Variants in BICC1 observed in about 807,000 individuals in gnomAD.
BICC1 encodes BicC family RNA binding protein 1, also known as protein bicaudal C homolog 1.
A neutral mutation model predicts 111.0 loss-of-function variants in BICC1; 43 were observed. The ratio of observed to expected loss-of-function variants is 0.39; its 90% CI spans 0.30 to 0.50. The LOEUF (loss-of-function observed/expected upper bound fraction) is 0.50. BICC1 is among the 20% of genes least tolerant of loss of function. BICC1 has a pLI of 0.88. For missense variants in BICC1, 1,091 were observed against 1,203.2 expected, an observed-to-expected ratio of 0.91 and a Z score of 1.38; for synonymous variants, 467 against 434.4, an observed-to-expected ratio of 1.07 and a Z score of -0.93.
At chr10:58,800,852 G>A (rs1009899997) in intron 13 of BICC1, 38 bp from the exon 14 acceptor site, 1 of 1,557,410 alleles carries the variant, frequency 6.4e-7, no homozygotes, top group Non-Finnish European at 8.7e-7. Context: ...AGGTGATGTT[G>A]TTTAGGTGTT....
chr10:58,782,278 T>C (rs904512353), intron 3 of BICC1, among the ~76,000 whole-genome samples: 4 of 152,326 alleles, frequency 2.6e-5, no homozygotes, highest in African/African-American at 9.6e-5. Flanking sequence ...TTATCCAACC[T>C]GTAAAGTCAC....
At chr10:58,823,193 G>A in intron 20 of BICC1, 14 of 982,872 alleles carry the variant, frequency 1.4e-5, no homozygotes, top group Non-Finnish European at 1.7e-5. Context: ...ACGGCCTCAG[G>A]TAGATCTAAC....
At chr10:58,760,089 T>A (rs986070941) in intron 3 of BICC1, among the ~76,000 whole-genome samples, 1 of 152,176 alleles carries the variant, frequency 6.6e-6, no homozygotes, top group Non-Finnish European at 1.5e-5. Context: ...AGCAAATGTG[T>A]TCTTAGCTCT....
intron 2 of BICC1, among the ~76,000 whole-genome samples, chr10:58,671,939 C>T (rs964989423): frequency 1.3e-5 from 2 of 152,098 alleles, no homozygotes; most frequent in African/African-American, 2.4e-5. Context: ...GGAACAGCCT[C>T]GAGTTTTTCA....
intron 15 of BICC1, among the ~76,000 whole-genome samples, chr10:58,806,262 T>C (rs754331096): frequency 5.9e-5 from 9 of 152,192 alleles, no homozygotes; most frequent in Non-Finnish European, 1.3e-4. Flanking sequence ...CTGTTCACTA[T>C]ATTCTAGCAG....
chr10:58,658,293 T>C (rs1319846544), intron 2 of BICC1, among the ~76,000 whole-genome samples: 1 of 152,162 alleles, frequency 6.6e-6, no homozygotes, highest in Non-Finnish European at 1.5e-5. Context: ...GTTTAAGCGA[T>C]TCTCCTGCCT....
rs768084474 is a variant in BICC1 at position 58,813,924 on chromosome 10, C to A, written c.2471C>A (p.Pro824His). Residue 824 changes from proline to histidine, a missense_variant, in exon 18 of 21, where the codon CCT becomes CAT. This residue lies in a region of BICC1 where 231 missense variants were observed against 256.2 expected (regional missense o/e 0.90). Coordinates refer to ENST00000373886, the MANE Select transcript of BICC1 (RefSeq NM_001080512.3). ...TGGAGAGACCGAAATGGAATTGGAC[C>A]TGGAAGTCATAGTGAATTTGCAGCT... ...DNWRDRNGIG[P>H]GSHSEFAASI... 14 of 1,613,922 alleles carry A rather than the reference C, an allele frequency of 8.7e-6. No homozygotes were observed. The highest frequency in any genetic ancestry group is 4.0e-5 in the African/African-American group (3 of 74,926).
intron 2 of BICC1, among the ~76,000 whole-genome samples, chr10:58,629,640 A>G (rs886733591): frequency 1.3e-5 from 2 of 152,154 alleles, no homozygotes; most frequent in Non-Finnish European, 2.9e-5. Context: ...GAATCACACT[A>G]AGGTTTATCA....
chr10:58,664,792 C>T (rs1344758605), intron 2 of BICC1, among the ~76,000 whole-genome samples: 1 of 151,866 alleles, frequency 6.6e-6, no homozygotes, highest in Non-Finnish European at 1.5e-5. Flanking sequence ...AATTAATACC[C>T]ACAATGGTTA....
chr10:58,788,503 T>G, intron 6 of BICC1, 80 bp downstream of exon 6: 1 of 1,020,420 alleles, frequency 9.8e-7, no homozygotes, highest in Non-Finnish European at 1.5e-6. Context: ...TAATAATTTA[T>G]CATTTTATAA....
chr10:58,735,316 C>T (rs1195975496), intron 3 of BICC1, among the ~76,000 whole-genome samples: 5 of 152,130 alleles, frequency 3.3e-5, no homozygotes, highest in African/African-American at 7.2e-5. Context: ...AATATTCCCC[C>T]GTCTCATAGC....
rs113841730 is a variant in BICC1, at chr10:58,537,007, T to C, written c.190+23674T>C. ...CACCCTAGCTTGAGTCAGGAAGAAA[T>C]AGAAATCCTAAACAGACCAATAACA... On this transcript the variant is annotated intron_variant, in intron 1 of 20. Transcript: ENST00000373886. Among the ~76,000 whole-genome samples, 839 of 151,596 alleles carry C rather than the reference T, an allele frequency of 5.5e-3. 4 individuals carry two copies. The highest frequency in any genetic ancestry group is 0.019 in the African/African-American group (798 of 41,400).
intron 2 of BICC1, among the ~76,000 whole-genome samples, chr10:58,688,069 C>G (rs906535298): frequency 6.6e-6 from 1 of 152,080 alleles, no homozygotes; most frequent in African/African-American, 2.4e-5. Flanking sequence ...GCCGACTTCA[C>G]GAGTGAAGCT....
intron 5 of BICC1, 67 bp from the exon 6 acceptor site, chr10:58,788,303 A>G: frequency 8.3e-7 from 1 of 1,200,332 alleles, no homozygotes; most frequent in Non-Finnish European, 1.2e-6. Flanking sequence ...AAGCATATAG[A>G]TGAACTGGAA....
chr10:58,709,561 G>A (rs914906443), intron 3 of BICC1, among the ~76,000 whole-genome samples: 2 of 152,222 alleles, frequency 1.3e-5, no homozygotes, highest in African/African-American at 4.8e-5. Context: ...CACTCAGTAA[G>A]TGTTTGTAGA....
chr10:58,679,307 C>G (rs1839441200), intron 2 of BICC1, among the ~76,000 whole-genome samples: 1 of 151,624 alleles, frequency 6.6e-6, no homozygotes, highest in Non-Finnish European at 1.5e-5. Context: ...ATAAATAAGA[C>G]AAGAGAGAAG....
At chr10:58,605,738 T>A (rs1415276008) in intron 1 of BICC1, among the ~76,000 whole-genome samples, 1 of 152,246 alleles carries the variant, frequency 6.6e-6, no homozygotes, top group African/African-American at 2.4e-5. Context: ...AAGGCTGTAT[T>A]TGTTTAGTAT....
intron 1 of BICC1, among the ~76,000 whole-genome samples, chr10:58,562,657 G>A (rs1173418544): frequency 6.6e-6 from 1 of 151,846 alleles, no homozygotes; most frequent in Non-Finnish European, 1.5e-5. Context: ...GTTTTCCTTT[G>A]GAGGTGTCAT....
chr10:58,814,023 C>A (rs377659146), intron 18 of BICC1, 37 bp downstream of exon 18: 4 of 1,610,544 alleles, frequency 2.5e-6, no homozygotes, highest in Non-Finnish European at 3.4e-6. Flanking sequence ...TTAGGTATCC[C>A]CAGATTAGAA....
Sources: allele counts gnomAD v4.1 joint callset (sites outside exome capture counted in the v4.1 genomes callset), GRCh38; gene constraint gnomAD v4.1.1; regional missense constraint gnomAD v4.1.1; transcripts MANE v1.5; gene names NCBI Gene and HGNC (gene_info 2026-07-23, HGNC 2026-07-21).